Variants in KIAA1549 observed in about 807,000 individuals in gnomAD.
The protein encoded by KIAA1549 is UPF0606 protein KIAA1549.
KIAA1549 carries 70 observed loss-of-function variants against 156.4 expected under a neutral mutation model. The observed-to-expected ratio is 0.45, with a 90% CI of 0.37 to 0.55. The LOEUF (loss-of-function observed/expected upper bound fraction) is 0.55. KIAA1549 is among the 20% of genes least tolerant of loss of function. The pLI is 0.00. For missense variants in KIAA1549, 2,428 were observed against 2,540.9 expected (o/e 0.96, Z 0.96); for synonymous variants, 1,103 against 1,066.4 (o/e 1.03, Z -0.67).
intron 8 of KIAA1549, among the ~76,000 whole-genome samples, chr7:138,901,395 A>G (rs1811837919): frequency 7.0e-6 from 1 of 143,760 alleles, no homozygotes; most frequent in Admixed American, 7.3e-5. Context: ...GTGTGATCTT[A>G]GCTCACTGAA....
intron 10 of KIAA1549, among the ~76,000 whole-genome samples, chr7:138,882,314 G>A (rs953014920): frequency 1.3e-4 from 20 of 152,224 alleles, no homozygotes; most frequent in Non-Finnish European, 2.9e-4. Context: ...ATAGACAAGA[G>A]AGGCAAAGGA....
At chr7:138,902,734 G>C (rs979588166) in intron 8 of KIAA1549, among the ~76,000 whole-genome samples, 1 of 152,128 alleles carries the variant, frequency 6.6e-6, no homozygotes, top group East Asian at 1.9e-4. Context: ...GCTTGCACCT[G>C]GGAGGCAGAT....
At chr7:138,898,847 G>T in intron 9 of KIAA1549, 108 bp downstream of exon 9, 2 of 936,244 alleles carry the variant, frequency 2.1e-6, no homozygotes, top group Non-Finnish European at 3.4e-6. Flanking sequence ...TCACCATCAG[G>T]GTTATACACA....
intron 3 of KIAA1549, 81 bp downstream of exon 3, chr7:138,912,291 T>C: frequency 2.0e-6 from 2 of 988,148 alleles, no homozygotes; most frequent in South Asian, 1.3e-5. Flanking sequence ...TCCATGGCCA[T>C]AATCACCTGC....
At chr7:138,842,636 T>G (rs1369542678) in intron 18 of KIAA1549, among the ~76,000 whole-genome samples, 1 of 150,314 alleles carries the variant, frequency 6.7e-6, no homozygotes, top group Non-Finnish European at 1.5e-5. Flanking sequence ...GAGGTTGCAG[T>G]GCGCCGAGAC....
chr7:138,914,215 C>T lies in KIAA1549; in HGVS notation c.2879-1755G>A, dbSNP rs114153982. Among the ~76,000 whole-genome samples, 723 of 152,310 alleles carry T rather than the reference C, an allele frequency of 4.7e-3. 10 individuals carry two copies. Among genetic ancestry groups the T allele is most frequent in the African/African-American group, 0.017 (704 of 41,562 alleles). ...CTCTGCAAAGTCCCCACAGCCACCA[C>T]CATGACCTCCACTTTCTCCAGAGAA... On this transcript the variant is annotated intron_variant, in intron 2 of 19. Transcript: ENST00000422774.
At position 138,963,918 on chromosome 7, in the gene KIAA1549, C is replaced by T. The variant is rs1475884923; in HGVS notation, c.187+17165G>A. On this transcript the variant is annotated intron_variant, in intron 1 of 19. Transcript: ENST00000422774. ...CCAGGACGTGATAAAAGAGGAAATG[C>T]GGCAAGAAAATGTCACTCAGTATTA... 4.6e-5 allele frequency among the ~76,000 whole-genome samples: 7 copies of T among 152,102 alleles called. No individual in the cohort carries two copies. The East Asian group carries it at 7.7e-4, about 17-fold the overall frequency.
chr7:138,960,402 C>T (rs797003562), intron 1 of KIAA1549, among the ~76,000 whole-genome samples: 14 of 151,304 alleles, frequency 9.3e-5, no homozygotes, highest in Admixed American at 3.3e-4. Flanking sequence ...CTCTGCCCCC[C>T]GGTTCAAGCG....
In KIAA1549 at chr7:138,918,512, C is replaced by G; in HGVS notation, c.1114G>C (p.Ala372Pro). Residue 372 changes from alanine (A) to proline (P), a missense_variant, in exon 2 of 20, where the codon GCT becomes CCT. Ala to Pro is a conservative substitution (Grantham distance 27). This residue lies in a region of KIAA1549 where 893 missense variants were observed against 847.9 expected (regional missense o/e 1.05). Transcript: ENST00000422774. This position sits in a 1 kb window ranked among gnomAD's most constrained non-coding sequence, Gnocchi z 4.2. The part of the protein sequence containing the change: ...LSTPLAFASS[A>P]SPTDVSSNPF... ...TTAGATGAAACATCAGTTGGTGAAG[C>G]AGAGGACGCAAATGCAAGAGGAGTT... 6.2e-7 allele frequency: 1 copy of G among 1,614,012 alleles called. No homozygotes were observed. The highest frequency in any genetic ancestry group is 8.5e-7 in the Non-Finnish European group (1 of 1,179,894).
intron 1 of KIAA1549, among the ~76,000 whole-genome samples, chr7:138,979,575 C>T (rs11983082): frequency 0.062 from 9,497 of 152,274 alleles, 979 homozygotes; most frequent in African/African-American, 0.22. Context: ...AACCATTTAT[C>T]TGCTGTGTCT....
At chr7:138,974,657 A>T (rs1814319131) in intron 1 of KIAA1549, among the ~76,000 whole-genome samples, 1 of 151,822 alleles carries the variant, frequency 6.6e-6, no homozygotes, top group Admixed American at 6.6e-5. Context: ...TCCTGGCCTC[A>T]GGTGACCCAC....
chr7:138,953,263 C>G (rs763721959), intron 1 of KIAA1549, among the ~76,000 whole-genome samples: 4 of 151,998 alleles, frequency 2.6e-5, no homozygotes, highest in Non-Finnish European at 2.9e-5. Context: ...GGCTGAGGCA[C>G]AAGAATCACT....
At chr7:138,943,742 G>A (rs1050883029) in intron 1 of KIAA1549, among the ~76,000 whole-genome samples, 6 of 152,070 alleles carry the variant, frequency 3.9e-5, no homozygotes, top group East Asian at 1.9e-4. Flanking sequence ...CCAGCTACTC[G>A]GGAGGCTGAG....
At chr7:138,965,193 G>A (rs529327681) in intron 1 of KIAA1549, among the ~76,000 whole-genome samples, 2 of 152,266 alleles carry the variant, frequency 1.3e-5, no homozygotes, top group South Asian at 4.1e-4. Context: ...CCGGAAGGAA[G>A]GGGAGTCAAC....
At chr7:138,906,845 A>T in intron 6 of KIAA1549, 74 bp downstream of exon 6, 1 of 1,196,380 alleles carries the variant, frequency 8.4e-7, no homozygotes, top group Non-Finnish European at 1.1e-6. Flanking sequence ...AAACTAAAAA[A>T]ATTTTAAGAA....
At chr7:138,940,068 G>A (rs1220539679) in intron 1 of KIAA1549, among the ~76,000 whole-genome samples, 1 of 152,050 alleles carries the variant, frequency 6.6e-6, no homozygotes, top group Non-Finnish European at 1.5e-5. Context: ...ACAACGTGCA[G>A]GTTTGTTACA....
In KIAA1549 at chr7:138,867,964, G is replaced by A; in HGVS notation, c.4929+11C>T. 6.2e-7 allele frequency: 1 copy of A among 1,611,994 alleles called. No homozygotes were observed. Among genetic ancestry groups the A allele is most frequent in the Non-Finnish European group, 8.5e-7 (1 of 1,178,358 alleles). On this transcript the variant is annotated intron_variant, in intron 15 of 19. Coordinates refer to ENST00000422774, the MANE Select transcript of KIAA1549 (RefSeq NM_001164665.2). Reference sequence around the variant, plus strand: ...ACCCGAGTTCCAGAAACTGGAGTCGGTGGCACGCACTGGGCATCCGATGTA... The same window carrying A: ...ACCCGAGTTCCAGAAACTGGAGTCGATGGCACGCACTGGGCATCCGATGTA...
chr7:138,947,966 T>C (rs576773661), intron 1 of KIAA1549, among the ~76,000 whole-genome samples: 6 of 152,198 alleles, frequency 3.9e-5, no homozygotes, highest in Admixed American at 3.9e-4. Context: ...TTTCGCCACG[T>C]TGCCCAGGCT....
chr7:138,910,140 C>T (rs771730041), intron 4 of KIAA1549, among the ~76,000 whole-genome samples: 15 of 152,006 alleles, frequency 9.9e-5, no homozygotes, highest in Non-Finnish European at 1.9e-4. Flanking sequence ...TGGCTAGGAA[C>T]GGAAAAGTGG....
Sources: gnomAD v4.1 joint callset for allele counts (sites outside exome capture counted in the v4.1 genomes callset) on GRCh38, gnomAD v4.1.1 for gene constraint, gnomAD v4.1.1 regional missense constraint, Gnocchi (gnomAD v3.1) non-coding constraint, MANE v1.5 for transcripts, NCBI Gene and HGNC (gene_info 2026-07-23, HGNC 2026-07-21) for gene names.